Variants in PTPRD observed in about 807,000 individuals in gnomAD.
The protein encoded by PTPRD is receptor-type tyrosine-protein phosphatase delta.
A neutral mutation model predicts 214.5 loss-of-function variants in PTPRD; 34 were observed. The observed-to-expected ratio is 0.16, with a 90% CI of 0.12 to 0.21. The LOEUF (loss-of-function observed/expected upper bound fraction) is 0.21, where lower values mean the gene tolerates loss of function less well. Ranked by LOEUF, PTPRD falls within the 10% of genes least tolerant of loss-of-function variation. The pLI, the probability that PTPRD is intolerant of heterozygous loss-of-function variation, is 1.00. For synonymous variants in PTPRD, 1,128 were observed against 845.7 expected (o/e 1.33, Z -5.79); for missense variants, 2,545 against 2,398.7 (o/e 1.06, Z -1.27).
chr9:9,937,426 TAA>T (rs35495271), intron 5 of PTPRD, among the ~76,000 whole-genome samples: 5 of 144,706 alleles, frequency 3.5e-5, no homozygotes, highest in African/African-American at 1.0e-4. Flanking sequence ...CATAGATAAA[TAA>T]AAAAAAAAAA....
At chr9:9,038,198 A>T (rs1413077855) in intron 10 of PTPRD, among the ~76,000 whole-genome samples, 1 of 152,110 alleles carries the variant, frequency 6.6e-6, no homozygotes, top group Non-Finnish European at 1.5e-5. Flanking sequence ...CAAAAAAAAG[A>T]TTGTGGGTGA....
rs2296096 is a variant in PTPRD, at chr9:8,449,502, G to C, written c.3988+223C>G. On this transcript the variant is annotated intron_variant, in intron 34 of 45. Transcript: ENST00000381196. The stretch of plus-strand genomic sequence containing the variant: ...ACTATAGTTCTTCCAAAATTTGAAG[G>C]ATACCCATATTTCTTTTTCTTCCCT... Among the ~76,000 whole-genome samples the C allele has an allele frequency of 0.058, 8,807 of 152,134 alleles. 305 individuals carry two copies. The highest frequency in any genetic ancestry group is 0.12 in the East Asian group (607 of 5,152).
At chr9:9,169,565 A>T (rs1485948973) in intron 10 of PTPRD, among the ~76,000 whole-genome samples, 1 of 152,168 alleles carries the variant, frequency 6.6e-6, no homozygotes, top group Non-Finnish European at 1.5e-5. Context: ...AGACTTCATT[A>T]TGTTGCTGGT....
intron 11 of PTPRD, among the ~76,000 whole-genome samples, chr9:8,902,347 T>A (rs921967178): frequency 1.4e-3 from 54 of 38,052 alleles, no homozygotes; most frequent in Non-Finnish European, 5.7e-3. Flanking sequence ...TTCTTTTTCT[T>A]TTTTTTTTTT....
intron 3 of PTPRD, among the ~76,000 whole-genome samples, chr9:10,055,313 T>C (rs902704705): frequency 6.6e-6 from 1 of 152,172 alleles, no homozygotes; most frequent in Admixed American, 6.6e-5. Flanking sequence ...TTTAAAGTAA[T>C]GGAGTTTACA....
intron 12 of PTPRD, among the ~76,000 whole-genome samples, chr9:8,659,371 T>C (rs2096983409): frequency 6.6e-6 from 1 of 152,208 alleles, no homozygotes; most frequent in African/African-American, 2.4e-5. Context: ...CAATTCCATA[T>C]TTTATGAGCC....
intron 8 of PTPRD, among the ~76,000 whole-genome samples, chr9:9,542,158 C>T (rs1263479878): frequency 6.6e-6 from 1 of 151,664 alleles, no homozygotes; most frequent in Non-Finnish European, 1.5e-5. Flanking sequence ...AGAACACAAT[C>T]TACTGCTATC....
At chr9:9,012,744 C>A (rs150513924) in intron 11 of PTPRD, among the ~76,000 whole-genome samples, 1 of 152,196 alleles carries the variant, frequency 6.6e-6, no homozygotes, top group East Asian at 1.9e-4. Flanking sequence ...ATTCTGCCAT[C>A]CAGGATAAGA....
At chr9:10,218,619 G>A (rs2099552234) in intron 3 of PTPRD, among the ~76,000 whole-genome samples, 1 of 151,686 alleles carries the variant, frequency 6.6e-6, no homozygotes, top group Non-Finnish European at 1.5e-5. Context: ...TTAGAAATTA[G>A]AATAAGAAAA....
intron 5 of PTPRD, among the ~76,000 whole-genome samples, chr9:9,779,078 C>CCAAAAAA (rs1282567404): frequency 2.2e-5 from 1 of 45,484 alleles, no homozygotes; most frequent in Non-Finnish European, 4.0e-5. Flanking sequence ...ATAAGACTGA[C>CCAAAAAA]AAAAAAAAAA....
chr9:10,593,935 G>A (rs2133047734), intron 2 of PTPRD, among the ~76,000 whole-genome samples: 1 of 151,936 alleles, frequency 6.6e-6, no homozygotes, highest in Non-Finnish European at 1.5e-5. Context: ...CTCTCTCAAT[G>A]CCATTACAGT....
Position 9,287,291 on chromosome 9 carries a change from T to C in PTPRD, c.-202-103928A>G, listed in dbSNP as rs76616551. Among the ~76,000 whole-genome samples, 808 of 151,860 alleles carry C rather than the reference T, an allele frequency of 5.3e-3. 11 individuals are homozygous for C. Among genetic ancestry groups the C allele is most frequent in the African/African-American group, 0.018 (759 of 41,486 alleles). ...ATAAATGTTTATGTGCTAGCCCCAT[T>C]TAAAAATGACCCAGTTGCCATGTGT... On this transcript the variant is annotated intron_variant, in intron 9 of 45. Transcript: ENST00000381196.
chr9:9,175,254 T>G (rs959360529), intron 10 of PTPRD, among the ~76,000 whole-genome samples: 3 of 152,144 alleles, frequency 2.0e-5, no homozygotes. Context: ...CAAGAACAAT[T>G]AACCACTAAA....
At chr9:9,618,969 G>A (rs1444735796) in intron 7 of PTPRD, among the ~76,000 whole-genome samples, 1 of 152,136 alleles carries the variant, frequency 6.6e-6, no homozygotes, top group African/African-American at 2.4e-5. Context: ...GCAGAAGAGA[G>A]TAGAGTCCTG....
At chr9:8,712,740 G>A (rs1360554646) in intron 12 of PTPRD, among the ~76,000 whole-genome samples, 2 of 151,888 alleles carry the variant, frequency 1.3e-5, no homozygotes, top group Admixed American at 1.3e-4. Flanking sequence ...TGGGGGGCAT[G>A]GACTTTCCCT....
At chr9:10,460,159 G>A (rs149906806) in intron 2 of PTPRD, among the ~76,000 whole-genome samples, 22 of 151,734 alleles carry the variant, frequency 1.4e-4, no homozygotes, top group African/African-American at 4.8e-4. Context: ...AAAAGCTTAG[G>A]AATAAACTCA....
intron 3 of PTPRD, among the ~76,000 whole-genome samples, chr9:10,292,025 G>A (rs2095541562): frequency 6.6e-6 from 1 of 152,008 alleles, no homozygotes; most frequent in South Asian, 2.1e-4. Flanking sequence ...TAGCCTTAGA[G>A]TAAGCTCTCC....
intron 2 of PTPRD, among the ~76,000 whole-genome samples, chr9:10,566,566 T>C (rs2065680987): frequency 6.6e-6 from 1 of 152,050 alleles, no homozygotes; most frequent in Non-Finnish European, 1.5e-5. Context: ...GTAGGAGTTC[T>C]ATGTTCTGTA....
chr9:9,270,143 G>T (rs1471384642), intron 9 of PTPRD, among the ~76,000 whole-genome samples: 1 of 150,906 alleles, frequency 6.6e-6, no homozygotes, highest in Non-Finnish European at 1.5e-5. Context: ...GCTTAATTGT[G>T]GTCATCATTT....
Sources: gnomAD v4.1 joint callset for allele counts (sites outside exome capture counted in the v4.1 genomes callset) on GRCh38, gnomAD v4.1.1 for gene constraint, MANE v1.5 for transcripts, NCBI Gene and HGNC (gene_info 2026-07-23, HGNC 2026-07-21) for gene names.